Variants in TANGO6 observed in about 807,000 individuals in gnomAD.
TANGO6 encodes the protein transport and golgi organization 6 homolog.
A neutral mutation model predicts 114.2 loss-of-function variants in TANGO6; 90 were observed. The ratio of observed to expected loss-of-function variants is 0.79; its 90% CI spans 0.66 to 0.94. TANGO6 has a LOEUF of 0.94. TANGO6 is among the 40% of genes least tolerant of loss of function. The probability of loss-of-function intolerance (pLI) is 0.00; values close to 1 mark genes in which losing one functional copy is unlikely to be tolerated. For synonymous variants in TANGO6, 477 were observed against 509.8 expected, an observed-to-expected ratio of 0.94 and a Z score of 0.87; for missense variants, 1,274 against 1,315.3, an observed-to-expected ratio of 0.97 and a Z score of 0.49.
chr16:69,079,530 A>G (rs1366972059), intron 17 of TANGO6, among the ~76,000 whole-genome samples: 2 of 152,026 alleles, frequency 1.3e-5, no homozygotes, highest in Non-Finnish European at 2.9e-5. Context: ...AAAAAATGCC[A>G]ACTGGGAGAA....
rs531301510 is a variant in TANGO6, at chr16:69,081,899, T to A, written c.3109-1586T>A. Among the ~76,000 whole-genome samples, 3 of 151,894 alleles carry A rather than the reference T, an allele frequency of 2.0e-5. No homozygotes were observed. In the South Asian group the frequency reaches 6.2e-4, roughly 32 times the overall value. The stretch of plus-strand genomic sequence containing the variant: ...CCCAGGCTGGAGTGCAGTGGCTCGA[T>A]CTCGGCTCACTGCAACCTCCGCCTC... On this transcript the variant is annotated intron_variant, in intron 17 of 17. Coordinates refer to ENST00000261778, the MANE Select transcript of TANGO6 (RefSeq NM_024562.2).
At chr16:68,859,093 CCT>C (rs1408557845) in intron 1 of TANGO6, among the ~76,000 whole-genome samples, 2 of 152,040 alleles carry the variant, frequency 1.3e-5, no homozygotes, top group African/African-American at 4.8e-5. Flanking sequence ...ATGTTTGAGC[CCT>C]GTGTCCATAT....
At chr16:68,857,958 T>C (rs1416255190) in intron 1 of TANGO6, among the ~76,000 whole-genome samples, 1 of 152,230 alleles carries the variant, frequency 6.6e-6, no homozygotes, top group African/African-American at 2.4e-5. Flanking sequence ...AATTGAACAA[T>C]ATTCCTTCTT....
intron 5 of TANGO6, among the ~76,000 whole-genome samples, chr16:68,877,168 C>T (rs1962376415): frequency 6.6e-6 from 1 of 152,076 alleles, no homozygotes; most frequent in Admixed American, 6.6e-5. Context: ...CTTTGCAAAT[C>T]TGATACATGA....
intron 15 of TANGO6, among the ~76,000 whole-genome samples, chr16:69,003,374 C>T (rs533302506): frequency 6.6e-6 from 1 of 152,218 alleles, no homozygotes; most frequent in African/African-American, 2.4e-5. Context: ...GAATTCATTC[C>T]CTAAGCCAGG....
At chr16:68,880,163 G>T (rs1029480364) in intron 6 of TANGO6, among the ~76,000 whole-genome samples, 5 of 151,568 alleles carry the variant, frequency 3.3e-5, no homozygotes, top group African/African-American at 1.2e-4. Flanking sequence ...TAGTAGAGAT[G>T]GGGTTTCACC....
intron 12 of TANGO6, among the ~76,000 whole-genome samples, chr16:68,925,342 C>T (rs949937531): frequency 6.6e-6 from 1 of 152,078 alleles, no homozygotes; most frequent in African/African-American, 2.4e-5. Context: ...TCCCTAATGA[C>T]TTATGACATT....
chr16:68,901,649 C>G (rs945876870), intron 8 of TANGO6, among the ~76,000 whole-genome samples: 1 of 152,032 alleles, frequency 6.6e-6, no homozygotes, highest in Non-Finnish European at 1.5e-5. Context: ...CCACCATGCC[C>G]GGCTAATTTT....
At chr16:68,876,788 T>C (rs1446802233) in intron 5 of TANGO6, among the ~76,000 whole-genome samples, 1 of 152,056 alleles carries the variant, frequency 6.6e-6, no homozygotes, top group Non-Finnish European at 1.5e-5. Flanking sequence ...ACCAATGCAC[T>C]CCAGCCCGGG....
intron 14 of TANGO6, among the ~76,000 whole-genome samples, chr16:68,935,265 CTG>C (rs1963289210): frequency 6.6e-6 from 1 of 152,114 alleles, no homozygotes; most frequent in Admixed American, 6.6e-5. Flanking sequence ...GTTGTGGGGA[CTG>C]TGTATTTTTA....
chr16:68,846,395 G>T, intron 1 of TANGO6: 1 of 214,336 alleles, frequency 4.7e-6, no homozygotes, highest in South Asian at 4.6e-5. Flanking sequence ...TGTTTTGACT[G>T]AAGTACATGA....
At chr16:68,866,065 G>A (rs1407854633) in intron 3 of TANGO6, among the ~76,000 whole-genome samples, 1 of 152,154 alleles carries the variant, frequency 6.6e-6, no homozygotes, top group African/African-American at 2.4e-5. Context: ...ATCTTCCTTG[G>A]AAGCTGGATT....
At chr16:69,049,292 T>G (rs1187410904) in intron 17 of TANGO6, among the ~76,000 whole-genome samples, 2 of 151,984 alleles carry the variant, frequency 1.3e-5, no homozygotes, top group Non-Finnish European at 1.5e-5. Flanking sequence ...ATCTACTTTC[T>G]CACTATGGAT....
chr16:68,983,804 C>T (rs965069540), intron 15 of TANGO6, among the ~76,000 whole-genome samples: 2 of 151,990 alleles, frequency 1.3e-5, no homozygotes, highest in Non-Finnish European at 1.5e-5. Flanking sequence ...GAGGCCGAGG[C>T]GGGCGGATCA....
chr16:69,061,733 T>C (rs1343422709), intron 17 of TANGO6, among the ~76,000 whole-genome samples: 1 of 151,476 alleles, frequency 6.6e-6, no homozygotes, highest in Non-Finnish European at 1.5e-5. Context: ...AGAATGCATT[T>C]CCGGCCGGGC....
At chr16:69,011,202 C>T (rs910093551) in intron 15 of TANGO6, among the ~76,000 whole-genome samples, 1 of 151,908 alleles carries the variant, frequency 6.6e-6, no homozygotes, top group African/African-American at 2.4e-5. Flanking sequence ...ATGAAGAGAG[C>T]AGTTAGGAAT....
rs1392033141 is a variant in TANGO6 at position 69,022,690 on chromosome 16, C to G, written c.2843-138C>G. Reference sequence around the variant, plus strand: ...CTGCACTCCAGTCTGGGCAATACAGCAAGACCCTGTCTCAAAAAAAAAATA... The same window carrying G: ...CTGCACTCCAGTCTGGGCAATACAGGAAGACCCTGTCTCAAAAAAAAAATA... On this transcript the variant is annotated intron_variant, in intron 15 of 17. Transcript: ENST00000261778. 9.6e-6 allele frequency: 9 copies of G among 940,304 alleles called. No homozygotes were observed. The East Asian group carries it at 1.2e-4, about 12-fold the overall frequency. The allele number at this position is 940,304 out of a possible 1,614,324, so 58.2% of individuals were successfully genotyped here.
chr16:68,889,129 CTT>C lies in TANGO6; in HGVS notation c.1377+8501_1377+8502del, dbSNP rs371961367. On this transcript the variant is annotated intron_variant, in intron 7 of 17. Transcript: ENST00000261778. ...GTGAGCCACCACGCCCACCAATAGA[CTT>C]TATTTTTTAAGAGCAGTTTTAGGTT... Among the ~76,000 whole-genome samples, 692 of 152,306 alleles carry C rather than the reference CTT, an allele frequency of 4.5e-3. 3 individuals carry two copies. The highest frequency in any genetic ancestry group is 0.016 in the South Asian group (78 of 4,826).
At chr16:68,907,599 G>A in intron 10 of TANGO6, 24 bp downstream of exon 10, 2 of 1,601,350 alleles carry the variant, frequency 1.2e-6, no homozygotes, top group Non-Finnish European at 1.7e-6. Context: ...GTAGTTCCTG[G>A]TCAGTGTTGT....
Sources: allele counts gnomAD v4.1 joint callset (sites outside exome capture counted in the v4.1 genomes callset), GRCh38; gene constraint gnomAD v4.1.1; transcripts MANE v1.5; gene names NCBI Gene and HGNC (gene_info 2026-07-23, HGNC 2026-07-21).